Variants in ERC2 observed in about 807,000 individuals in gnomAD.
The protein encoded by ERC2 is ERC protein 2.
ERC2 carries 42 observed loss-of-function variants against 114.8 expected under a neutral mutation model. That is an observed-to-expected ratio of 0.37 (90% CI 0.29 to 0.47). The LOEUF is 0.47. ERC2 is among the 20% of genes least tolerant of loss of function. ERC2 has a pLI of 0.99. For missense variants in ERC2, 939 were observed against 1,150.7 expected, an observed-to-expected ratio of 0.82 and a Z score of 2.66; for synonymous variants, 454 against 425.5, an observed-to-expected ratio of 1.07 and a Z score of -0.82.
chr3:55,865,739 CATG>C (rs1214791833), intron 14 of ERC2, among the ~76,000 whole-genome samples: 1 of 152,122 alleles, frequency 6.6e-6, no homozygotes, highest in Non-Finnish European at 1.5e-5. Flanking sequence ...TTTCACTTAG[CATG>C]ATGTTTTCAA....
intron 13 of ERC2, among the ~76,000 whole-genome samples, chr3:55,907,988 G>A (rs2064562606): frequency 6.6e-6 from 1 of 152,134 alleles, no homozygotes; most frequent in African/African-American, 2.4e-5. Context: ...CGATACATTG[G>A]GAAAAGCAAC....
chr3:56,126,988 A>C (rs1459955616), intron 6 of ERC2, among the ~76,000 whole-genome samples: 1 of 152,170 alleles, frequency 6.6e-6, no homozygotes, highest in Non-Finnish European at 1.5e-5. Flanking sequence ...GCAGGGTTAC[A>C]AAATCAATAT....
chr3:55,934,165 G>A (rs1371402086), intron 13 of ERC2, among the ~76,000 whole-genome samples: 2 of 152,166 alleles, frequency 1.3e-5, no homozygotes, highest in Non-Finnish European at 2.9e-5. Context: ...ATTAAGAAAA[G>A]TTCTAAAAAT....
In ERC2 at chr3:55,733,717, T is replaced by C. The variant is rs140544076; in HGVS notation, c.2712+1054A>G. Among the ~76,000 whole-genome samples the C allele has an allele frequency of 1.3e-3, 202 of 152,302 alleles. 3 individuals carry two copies. In the East Asian group the frequency reaches 0.035, roughly 27 times the overall value. ...TCACATTGTAAGTGGAGGGAACTTA[T>C]TCCTTCAGGCTTCCCTTCCACTCAC... On this transcript the variant is annotated intron_variant, in intron 15 of 17. Coordinates refer to ENST00000288221, the MANE Select transcript of ERC2 (RefSeq NM_015576.3).
intron 3 of ERC2, among the ~76,000 whole-genome samples, chr3:56,200,578 A>T (rs563067178): frequency 6.6e-6 from 1 of 152,178 alleles, no homozygotes; most frequent in Non-Finnish European, 1.5e-5. Context: ...CCTAGCAATT[A>T]TTTCCAATAA....
intron 6 of ERC2, among the ~76,000 whole-genome samples, chr3:56,114,024 G>A (rs1403836620): frequency 2.6e-5 from 4 of 152,200 alleles, no homozygotes; most frequent in Admixed American, 6.5e-5. Context: ...GTATCCTCTG[G>A]CAGAAACTAA....
intron 2 of ERC2, among the ~76,000 whole-genome samples, chr3:56,333,838 C>T (rs2057738973): frequency 6.6e-6 from 1 of 152,018 alleles, no homozygotes; most frequent in Non-Finnish European, 1.5e-5. Context: ...TAAAACACAA[C>T]AAAACAGAAA....
intron 14 of ERC2, among the ~76,000 whole-genome samples, chr3:55,846,203 T>C (rs2061355695): frequency 6.6e-6 from 1 of 152,246 alleles, no homozygotes; most frequent in Non-Finnish European, 1.5e-5. Context: ...TGTATCAATG[T>C]GTTCTCATCA....
At chr3:55,615,818 C>T (rs1253334500) in intron 17 of ERC2, among the ~76,000 whole-genome samples, 1 of 152,152 alleles carries the variant, frequency 6.6e-6, no homozygotes, top group East Asian at 1.9e-4. Context: ...GGCATGCGAG[C>T]AGGAACTTCA....
chr3:55,536,255 C>T (rs2053993604), intron 17 of ERC2, among the ~76,000 whole-genome samples: 1 of 152,210 alleles, frequency 6.6e-6, no homozygotes, highest in African/African-American at 2.4e-5. Context: ...CTCAAACTCA[C>T]TGTCCAGACC....
chr3:55,804,775 A>T (rs1324475198), intron 14 of ERC2, among the ~76,000 whole-genome samples: 1 of 152,060 alleles, frequency 6.6e-6, no homozygotes, highest in Non-Finnish European at 1.5e-5. Context: ...TGAAATAGCC[A>T]CCATCATTCT....
intron 4 of ERC2, among the ~76,000 whole-genome samples, chr3:56,156,546 G>A (rs1417205395): frequency 6.6e-6 from 1 of 152,104 alleles, no homozygotes; most frequent in East Asian, 1.9e-4. Flanking sequence ...CTAGGTAAGG[G>A]GTGGAGTTGG....
intron 5 of ERC2, among the ~76,000 whole-genome samples, chr3:56,145,542 G>T (rs1381502343): frequency 6.6e-6 from 1 of 152,152 alleles, no homozygotes; most frequent in Non-Finnish European, 1.5e-5. Context: ...ATCCTTCAGT[G>T]TTGGGGTAGG....
At chr3:56,456,369 T>C (rs370741628) in intron 1 of ERC2, among the ~76,000 whole-genome samples, 1 of 152,230 alleles carries the variant, frequency 6.6e-6, no homozygotes. Flanking sequence ...GAAATCCAAT[T>C]TCTGTCTCTT....
At chr3:56,434,205 T>C (rs2061917661) in intron 2 of ERC2, 146 bp downstream of exon 2, 2 of 630,162 alleles carry the variant, frequency 3.2e-6, no homozygotes, top group Non-Finnish European at 5.4e-6. Context: ...TGCTCTCTCA[T>C]AGTGTCTAAG....
intron 8 of ERC2, among the ~76,000 whole-genome samples, chr3:56,017,202 G>A (rs528791983): frequency 4.6e-5 from 7 of 152,182 alleles, no homozygotes; most frequent in African/African-American, 1.7e-4. Flanking sequence ...TACCTGCACT[G>A]GCTCTTTGAC....
chr3:56,060,886 G>T (rs1576757880), intron 7 of ERC2, among the ~76,000 whole-genome samples: 1 of 152,212 alleles, frequency 6.6e-6, no homozygotes, highest in East Asian at 1.9e-4. Flanking sequence ...CTCAATTCCA[G>T]ATATTACAGC....
chr3:56,076,858 C>G (rs908248673), intron 7 of ERC2, among the ~76,000 whole-genome samples: 17 of 152,148 alleles, frequency 1.1e-4, no homozygotes, highest in African/African-American at 2.7e-4. Context: ...ACTCAGAGCT[C>G]TGAAGGCAAA....
chr3:55,725,327 C>G (rs555533460), intron 15 of ERC2, among the ~76,000 whole-genome samples: 75 of 152,236 alleles, frequency 4.9e-4, no homozygotes, highest in Admixed American at 3.0e-3. Context: ...CTAAAACTAG[C>G]AATACTTGTA....
Sources: allele counts gnomAD v4.1 joint callset (sites outside exome capture counted in the v4.1 genomes callset), GRCh38; gene constraint gnomAD v4.1.1; transcripts MANE v1.5; gene names NCBI Gene and HGNC (gene_info 2026-07-23, HGNC 2026-07-21).